The following ZSCAN5A variants were observed in gnomAD, a reference collection of about 807,000 sequenced individuals.
ZSCAN5A encodes the protein zinc finger and SCAN domain containing 5A.
A neutral mutation model predicts 23.7 loss-of-function variants in ZSCAN5A; 12 were observed. The observed-to-expected ratio is 0.51, with a 90% CI of 0.32 to 0.82. ZSCAN5A has a LOEUF of 0.82. ZSCAN5A is among the 40% of genes least tolerant of loss of function. The probability of loss-of-function intolerance (pLI) is 0.03; values close to 1 mark genes in which losing one functional copy is unlikely to be tolerated. For synonymous variants in ZSCAN5A, 257 were observed against 239.9 expected, an observed-to-expected ratio of 1.07 and a Z score of -0.66; for missense variants, 597 against 617.9, an observed-to-expected ratio of 0.97 and a Z score of 0.36.
intron 2 of ZSCAN5A, among the ~76,000 whole-genome samples, chr19:56,294,565 A>T (rs1331200316): frequency 2.0e-5 from 3 of 152,146 alleles, no homozygotes; most frequent in Non-Finnish European, 4.4e-5. Context: ...CTCTGCTGCC[A>T]CTCACTACTC....
At chr19:56,277,492 A>AT (rs542605995) in intron 2 of ZSCAN5A, among the ~76,000 whole-genome samples, 12 of 152,032 alleles carry the variant, frequency 7.9e-5, no homozygotes, top group South Asian at 4.2e-4. Context: ...GGATAGGCAA[A>AT]TCCATAGAGA....
At chr19:56,242,028 T>C (rs932037988) in intron 2 of ZSCAN5A, among the ~76,000 whole-genome samples, 8 of 152,120 alleles carry the variant, frequency 5.3e-5, no homozygotes, top group Admixed American at 5.2e-4. Flanking sequence ...GTCCACGTCC[T>C]GATTTCCTTT....
At chr19:56,311,719 T>C (rs946652587) in intron 2 of ZSCAN5A, among the ~76,000 whole-genome samples, 12 of 152,208 alleles carry the variant, frequency 7.9e-5, no homozygotes, top group African/African-American at 2.9e-4. Context: ...TGCAGTTTTG[T>C]TACACAGGTA....
chr19:56,332,982 G>A (rs2041502965), intron 2 of ZSCAN5A, among the ~76,000 whole-genome samples: 2 of 152,150 alleles, frequency 1.3e-5, no homozygotes, highest in Admixed American at 6.5e-5. Flanking sequence ...CTGAAAATAG[G>A]CCTTCAATCC....
At chr19:56,357,204 C>T (rs2041705089) in intron 2 of ZSCAN5A, among the ~76,000 whole-genome samples, 1 of 148,170 alleles carries the variant, frequency 6.7e-6, no homozygotes, top group South Asian at 2.2e-4. Context: ...AGGAACTGTT[C>T]ATAGTCACTG....
intron 2 of ZSCAN5A, among the ~76,000 whole-genome samples, chr19:56,323,337 G>T (rs914587521): frequency 5.9e-5 from 9 of 151,858 alleles, no homozygotes; most frequent in South Asian, 2.1e-4. Flanking sequence ...CTGGGACTAG[G>T]TGCATAGTTT....
intron 2 of ZSCAN5A, among the ~76,000 whole-genome samples, chr19:56,294,488 C>CA (rs1568711885): frequency 6.6e-6 from 1 of 152,162 alleles, no homozygotes; most frequent in Non-Finnish European, 1.5e-5. Context: ...GATCAATCAG[C>CA]ATTTTTTTTT....
At position 56,222,182 on chromosome 19, in the gene ZSCAN5A, C is replaced by G; in HGVS notation, c.884G>C (p.Ser295Thr). Residue 295 changes from serine (S) to threonine (T), a missense_variant, in exon 6 of 6, where the codon AGC becomes ACC. This residue lies in a region of ZSCAN5A where 406 missense variants were observed against 353.2 expected (regional missense o/e 1.15). Transcript: ENST00000683990. ...SGNRGDALNLSSPKRSKPDAS... is the reference protein window; with the variant it reads ...SGNRGDALNLTSPKRSKPDAS... Reference sequence around the variant, plus strand: ...ATCTGGTTTGCTTCTTTTGGGACTGCTCAGATTCAGAGCGTCTCCTCTGTT... The same window carrying G: ...ATCTGGTTTGCTTCTTTTGGGACTGGTCAGATTCAGAGCGTCTCCTCTGTT... 1 of 1,614,036 alleles carries G rather than the reference C, an allele frequency of 6.2e-7. No homozygotes were observed. Among genetic ancestry groups the G allele is most frequent in the South Asian group, 1.1e-5 (1 of 91,068 alleles).
At chr19:56,226,347 A>G (rs1367789832) in intron 2 of ZSCAN5A, among the ~76,000 whole-genome samples, 5 of 152,162 alleles carry the variant, frequency 3.3e-5, no homozygotes, top group African/African-American at 1.2e-4. Context: ...CTCCTGTGCA[A>G]AACATAAGCA....
chr19:56,283,400 A>C (rs561373309), intron 2 of ZSCAN5A: 1 of 152,170 alleles, frequency 6.6e-6, no homozygotes, highest in African/African-American at 2.4e-5. Context: ...CAATATCTCC[A>C]TTTTAAAGAG....
chr19:56,304,889 C>A, intron 2 of ZSCAN5A: 1 of 678,672 alleles, frequency 1.5e-6, no homozygotes, highest in Non-Finnish European at 1.8e-6. Context: ...AGGGGAGGTT[C>A]ATCCCAACTG....
At chr19:56,274,534 TG>T in intron 2 of ZSCAN5A, 1 of 152,068 alleles carries the variant, frequency 6.6e-6, no homozygotes, top group Non-Finnish European at 1.5e-5. Context: ...ATTTTAGACT[TG>T]AGGAAAAGTC....
In ZSCAN5A at chr19:56,252,645, T is replaced by C. The variant is rs533811577; in HGVS notation, c.-127-27472A>G. On this transcript the variant is annotated intron_variant, in intron 2 of 5. Transcript: ENST00000683990. ...CTAATCAGCTTGTCCAGCTGTGGGG[T>C]GATAAGAAACAAACATCAAACATGG... Among the ~76,000 whole-genome samples the C allele has an allele frequency of 3.2e-4, 48 of 151,982 alleles. 1 individual carries two copies. Among genetic ancestry groups the C allele is most frequent in the Admixed American group, 2.8e-3 (42 of 15,270 alleles).
chr19:56,351,232 G>A lies in ZSCAN5A; in HGVS notation c.-358+12003C>T, dbSNP rs1176345601. 2.0e-5 allele frequency among the ~76,000 whole-genome samples: 3 copies of A among 152,008 alleles called. No individual in the cohort carries two copies. The highest frequency in any genetic ancestry group is 6.6e-5 in the Admixed American group (1 of 15,258). On this transcript the variant is annotated intron_variant, in intron 2 of 6. Transcript: ENST00000587340. The surrounding 1 kb of genome is among the most constrained non-coding windows in gnomAD (Gnocchi z 4.8). ...AACCAAAAAGGCGGCTTCAAGGGCC[G>A]GGCTGACAAGCTTTGATATGCAAAT...
chr19:56,302,082 A>G, intron 2 of ZSCAN5A: 1 of 1,231,862 alleles, frequency 8.1e-7, no homozygotes, highest in South Asian at 4.1e-5. Flanking sequence ...GTATCCTACA[A>G]CAAAGGGGAC....
intron 2 of ZSCAN5A, among the ~76,000 whole-genome samples, chr19:56,334,106 C>T (rs898605876): frequency 6.6e-6 from 1 of 152,106 alleles, no homozygotes; most frequent in African/African-American, 2.4e-5. Flanking sequence ...AATGGGCAGG[C>T]CCATGTACAG....
intron 2 of ZSCAN5A, chr19:56,274,987 T>C (rs995092718): frequency 6.6e-6 from 1 of 152,206 alleles, no homozygotes; most frequent in Non-Finnish European, 1.5e-5. Flanking sequence ...TTTCTCATGA[T>C]TGGATTGAGA....
At chr19:56,302,773 A>G in intron 2 of ZSCAN5A, 1 of 395,432 alleles carries the variant, frequency 2.5e-6, no homozygotes. Flanking sequence ...ACACAGCCCC[A>G]GGGGCTCCTT....
intron 2 of ZSCAN5A, among the ~76,000 whole-genome samples, chr19:56,327,444 ATATT>A (rs1227701146): frequency 6.6e-6 from 1 of 150,544 alleles, no homozygotes; most frequent in Non-Finnish European, 1.5e-5. Flanking sequence ...ATAAATATAT[ATATT>A]TATTAATAAT....
Sources: gnomAD v4.1 joint callset for allele counts (sites outside exome capture counted in the v4.1 genomes callset) on GRCh38, gnomAD v4.1.1 for gene constraint, gnomAD v4.1.1 regional missense constraint, Gnocchi (gnomAD v3.1) non-coding constraint, MANE v1.5 for transcripts, NCBI Gene and HGNC (gene_info 2026-07-23, HGNC 2026-07-21) for gene names.